Variants in DCLK2 observed in about 807,000 individuals in gnomAD.
DCLK2 encodes the protein serine/threonine-protein kinase DCLK2.
DCLK2 carries 31 observed loss-of-function variants against 78.4 expected under a neutral mutation model. The ratio of observed to expected loss-of-function variants is 0.40; its 90% confidence interval spans 0.30 to 0.53. The LOEUF (loss-of-function observed/expected upper bound fraction) is 0.53. Ranked by LOEUF, DCLK2 falls within the 20% of genes least tolerant of loss-of-function variation. The pLI is 0.61. For missense variants in DCLK2, 872 were observed against 973.7 expected, an observed-to-expected ratio of 0.90 and a Z score of 1.39; for synonymous variants, 407 against 374.9, an observed-to-expected ratio of 1.09 and a Z score of -0.99.
At chr4:150,168,470 T>G (rs1378932640) in intron 2 of DCLK2, among the ~76,000 whole-genome samples, 1 of 152,170 alleles carries the variant, frequency 6.6e-6, no homozygotes, top group Admixed American at 6.5e-5. Flanking sequence ...TTTAATAAAC[T>G]TTCACTCCTG....
intron 2 of DCLK2, among the ~76,000 whole-genome samples, chr4:150,138,048 T>A (rs910331294): frequency 3.9e-5 from 6 of 152,194 alleles, no homozygotes; most frequent in African/African-American, 1.4e-4. Context: ...GTTCATGAAA[T>A]TTTTATCTCC....
intron 15 of DCLK2, chr4:150,254,442 T>A: frequency 2.5e-6 from 1 of 398,746 alleles, no homozygotes. Context: ...GGCCATGGTA[T>A]GTACTAACCG....
intron 10 of DCLK2, among the ~76,000 whole-genome samples, chr4:150,237,680 C>A (rs2126590677): frequency 6.6e-6 from 1 of 152,224 alleles, no homozygotes; most frequent in East Asian, 1.9e-4. Context: ...TTAAATCACT[C>A]CCCCTCATTA....
At chr4:150,167,038 C>G (rs1027329381) in intron 2 of DCLK2, among the ~76,000 whole-genome samples, 1 of 152,174 alleles carries the variant, frequency 6.6e-6, no homozygotes, top group African/African-American at 2.4e-5. Flanking sequence ...GAGGCACTTA[C>G]TGGGGTGGGG....
In DCLK2 at chr4:150,239,752, A is replaced by G; in HGVS notation, c.1577A>G (p.Tyr526Cys). The change falls in exon 11 of 16, where the codon TAT (tyrosine) becomes TGT (cysteine). Residue 526 changes from tyrosine (Y) to cysteine (C), a missense_variant. This residue lies in a region of DCLK2 where 86 missense variants were observed against 150.3 expected (regional missense o/e 0.57). Transcript: ENST00000296550. ...TGATTTCTGTTTCAGGTGTGTGAAT[A>G]TCCTGATGGAACCAAGTCTTTGAAA... ...IKPENLLVCEYPDGTKSLKLG... is the reference protein window; with the variant it reads ...IKPENLLVCECPDGTKSLKLG... 1.2e-6 allele frequency: 2 copies of G among 1,614,154 alleles called. No homozygotes were observed. The highest frequency in any genetic ancestry group is 1.1e-5 in the South Asian group (1 of 91,056).
At chr4:150,094,989 A>AT (rs1292004587) in intron 1 of DCLK2, among the ~76,000 whole-genome samples, 1 of 152,192 alleles carries the variant, frequency 6.6e-6, no homozygotes, top group African/African-American at 2.4e-5. Context: ...AAATCACCTG[A>AT]TTTTTAAAGA....
Position 150,256,496 on chromosome 4 carries a change from C to T in DCLK2, c.*249C>T. The T allele has an allele frequency of 2.1e-6, 1 of 474,492 alleles. No homozygotes were observed. The highest frequency in any genetic ancestry group is 3.7e-6 in the Non-Finnish European group (1 of 273,630). The allele number at this position is 474,492 out of a possible 1,614,324, so 29.4% of individuals were successfully genotyped here. ...TTCTGCCAACAGCTGTTCGGAGAGA[C>T]TCGTTCCAGATCATCCCGTCATTTT... is the stretch of plus-strand genomic sequence containing the variant. On this transcript the variant is annotated 3_prime_UTR_variant, in exon 16 of 16. Coordinates refer to ENST00000296550, the MANE Select transcript of DCLK2 (RefSeq NM_001040260.4).
At chr4:150,086,530 TGA>T (rs10539679) in intron 1 of DCLK2, among the ~76,000 whole-genome samples, 56,867 of 148,886 alleles carry the variant, frequency 0.38, 10,976 homozygotes, top group Non-Finnish European at 0.42. Context: ...TTTTTGAGAC[TGA>T]GTCTCACTCT....
At position 150,250,130 on chromosome 4, in the gene DCLK2, A is replaced by G. The variant is rs186640973; in HGVS notation, c.2073+446A>G. ...AAGCTAAACATATTTCAGTTTTAAA[A>G]AATCAGTGTTTTATAAAACACAGTT... On this transcript the variant is annotated intron_variant, in intron 15 of 15. Coordinates refer to ENST00000296550, the MANE Select transcript of DCLK2 (RefSeq NM_001040260.4). 1.9e-3 allele frequency among the ~76,000 whole-genome samples: 293 copies of G among 152,320 alleles called. 3 individuals are homozygous for G. The highest frequency in any genetic ancestry group is 6.6e-3 in the African/African-American group (276 of 41,558).
intron 9 of DCLK2, 62 bp downstream of exon 9, chr4:150,232,518 C>T: frequency 1.3e-6 from 2 of 1,587,488 alleles, no homozygotes; most frequent in Non-Finnish European, 1.7e-6. Flanking sequence ...CCTTGAAGGA[C>T]CTAATCAGAA....
At chr4:150,249,486 G>C (rs553184189) in intron 14 of DCLK2, 82 bp from the exon 15 acceptor site, 3 of 1,147,106 alleles carry the variant, frequency 2.6e-6, no homozygotes, top group African/African-American at 3.0e-5. Flanking sequence ...TGGTTGAGGC[G>C]GGGAGGGGGA....
intron 2 of DCLK2, among the ~76,000 whole-genome samples, chr4:150,170,334 A>G (rs1042622736): frequency 2.0e-5 from 3 of 152,006 alleles, no homozygotes; most frequent in African/African-American, 7.3e-5. Context: ...ATGAGCCACC[A>G]TGCCCGGCCA....
At chr4:150,185,512 G>A (rs1737862278) in intron 2 of DCLK2, among the ~76,000 whole-genome samples, 2 of 151,752 alleles carry the variant, frequency 1.3e-5, no homozygotes, top group South Asian at 2.1e-4. Flanking sequence ...TCAGGAGTTC[G>A]AGACCAGCCT....
At chr4:150,163,177 C>T (rs904333976) in intron 2 of DCLK2, among the ~76,000 whole-genome samples, 1 of 152,072 alleles carries the variant, frequency 6.6e-6, no homozygotes, top group African/African-American at 2.4e-5. Flanking sequence ...ACAGGCAGAT[C>T]TCCTGAGGTC....
At chr4:150,091,069 A>G (rs1004199072) in intron 1 of DCLK2, among the ~76,000 whole-genome samples, 1 of 152,208 alleles carries the variant, frequency 6.6e-6, no homozygotes, top group Non-Finnish European at 1.5e-5. Flanking sequence ...AGGAAACTCA[A>G]TTAAGTTGTT....
At chr4:150,136,732 C>T (rs1045494424) in intron 2 of DCLK2, among the ~76,000 whole-genome samples, 1 of 152,148 alleles carries the variant, frequency 6.6e-6, no homozygotes, top group Admixed American at 6.5e-5. Context: ...AGACACTAAG[C>T]TTCAAACCAA....
At chr4:150,114,083 T>G (rs1322339497) in intron 2 of DCLK2, among the ~76,000 whole-genome samples, 1 of 152,216 alleles carries the variant, frequency 6.6e-6, no homozygotes, top group Non-Finnish European at 1.5e-5. Flanking sequence ...AATTTTAGTT[T>G]TATTCCATTG....
At chr4:150,171,777 C>T (rs1736549820) in intron 2 of DCLK2, among the ~76,000 whole-genome samples, 1 of 152,180 alleles carries the variant, frequency 6.6e-6, no homozygotes, top group African/African-American at 2.4e-5. Context: ...TGTCAAATAG[C>T]ATTACCACAA....
At chr4:150,197,147 C>T (rs1739098179) in intron 3 of DCLK2, among the ~76,000 whole-genome samples, 2 of 77,458 alleles carry the variant, frequency 2.6e-5, no homozygotes, top group African/African-American at 8.2e-5. Flanking sequence ...GAGCGAGACT[C>T]CGTCTCAAAA....
Sources: gnomAD v4.1 joint callset for allele counts (sites outside exome capture counted in the v4.1 genomes callset) on GRCh38, gnomAD v4.1.1 for gene constraint, gnomAD v4.1.1 regional missense constraint, MANE v1.5 for transcripts, NCBI Gene and HGNC (gene_info 2026-07-23, HGNC 2026-07-21) for gene names.